The following RBFOX1 variants were observed in gnomAD, a reference collection of about 807,000 sequenced individuals.
The protein encoded by RBFOX1 is RNA binding protein fox-1 homolog 1.
RBFOX1 carries 8 observed loss-of-function variants against 57.7 expected under a neutral mutation model. The observed-to-expected ratio is 0.14, with a 90% confidence interval of 0.08 to 0.25. The LOEUF is 0.25. Ranked by LOEUF, RBFOX1 falls within the 10% of genes least tolerant of loss-of-function variation. RBFOX1 has a pLI of 1.00. For missense variants in RBFOX1, 611 were observed against 548.5 expected (o/e 1.11, Z -1.14); for synonymous variants, 326 against 222.4 (o/e 1.47, Z -4.15).
At chr16:7,267,450 C>G (rs896996019) in intron 4 of RBFOX1, among the ~76,000 whole-genome samples, 1 of 151,998 alleles carries the variant, frequency 6.6e-6, no homozygotes, top group African/African-American at 2.4e-5. Flanking sequence ...GCAAGAGAAT[C>G]ACTTGAACCT....
At chr16:7,522,800 G>T (rs2077795923) in intron 5 of RBFOX1, among the ~76,000 whole-genome samples, 1 of 152,182 alleles carries the variant, frequency 6.6e-6, no homozygotes, top group Non-Finnish European at 1.5e-5. Context: ...TTCAGAAATA[G>T]TAGGTAGTCT....
At chr16:6,438,068 G>C (rs73538153) in intron 2 of RBFOX1, among the ~76,000 whole-genome samples, 5,168 of 152,190 alleles carry the variant, frequency 0.034, 295 homozygotes, top group African/African-American at 0.12. Flanking sequence ...GGAATACCTG[G>C]GTTAAGAGAG....
At chr16:5,960,015 A>G (rs563452529) in intron 4 of RBFOX1, among the ~76,000 whole-genome samples, 1 of 152,256 alleles carries the variant, frequency 6.6e-6, no homozygotes, top group South Asian at 2.1e-4. Flanking sequence ...AGCCTTGCCA[A>G]CATGGTGAAA....
chr16:7,694,509 G>C (rs1277226200), intron 14 of RBFOX1, among the ~76,000 whole-genome samples: 1 of 152,188 alleles, frequency 6.6e-6, no homozygotes, highest in Non-Finnish European at 1.5e-5. Flanking sequence ...GTCTTACCTG[G>C]TGAGTTCAAG....
chr16:6,203,247 T>C (rs1362316), intron 1 of RBFOX1, among the ~76,000 whole-genome samples: 52 of 152,300 alleles, frequency 3.4e-4, no homozygotes, highest in South Asian at 1.0e-3. Context: ...GACACTTCTG[T>C]ACTTCCCCCT....
At chr16:7,452,574 G>C (rs111457719) in intron 4 of RBFOX1, among the ~76,000 whole-genome samples, 2,913 of 152,226 alleles carry the variant, frequency 0.019, 35 homozygotes, top group Middle Eastern at 0.041. Context: ...GGAAAGGTGT[G>C]GATTGATATC....
intron 4 of RBFOX1, among the ~76,000 whole-genome samples, chr16:7,057,868 C>T (rs1294723805): frequency 2.6e-5 from 4 of 151,982 alleles, no homozygotes; most frequent in Non-Finnish European, 5.9e-5. Flanking sequence ...ATTAGCCAGG[C>T]ATGGTGGCGG....
chr16:6,972,456 G>C (rs1390712179), intron 3 of RBFOX1, among the ~76,000 whole-genome samples: 1 of 152,086 alleles, frequency 6.6e-6, no homozygotes, highest in East Asian at 1.9e-4. Context: ...CCCTTATGTG[G>C]AATGGATACA....
chr16:7,703,708 G>C (rs909178909), intron 14 of RBFOX1, among the ~76,000 whole-genome samples: 4 of 152,122 alleles, frequency 2.6e-5, no homozygotes, highest in African/African-American at 4.8e-5. Context: ...AGTTGATAAA[G>C]CACTTTAACA....
At chr16:6,086,302 G>C (rs150657323) in intron 1 of RBFOX1, among the ~76,000 whole-genome samples, 1 of 152,058 alleles carries the variant, frequency 6.6e-6, no homozygotes, top group South Asian at 2.1e-4. Flanking sequence ...TGCTTTCCCC[G>C]ACTGTGTTAT....
chr16:5,377,364 G>C, intron 1 of RBFOX1, among the ~76,000 whole-genome samples: 1 of 151,450 alleles, frequency 6.6e-6, no homozygotes, highest in Middle Eastern at 3.4e-3. Context: ...ATGGGGTCAC[G>C]TAAGCAGAGA....
chr16:7,135,627 T>G (rs1441686782), intron 4 of RBFOX1, among the ~76,000 whole-genome samples: 1 of 152,274 alleles, frequency 6.6e-6, no homozygotes, highest in Non-Finnish European at 1.5e-5. Flanking sequence ...TTAATTTAAT[T>G]GCCGCTGTTC....
chr16:6,813,373 A>G (rs558021733), intron 3 of RBFOX1, among the ~76,000 whole-genome samples: 1 of 152,186 alleles, frequency 6.6e-6, no homozygotes, highest in African/African-American at 2.4e-5. Context: ...GCTTGTTGCA[A>G]TTCCCATCTT....
intron 3 of RBFOX1, among the ~76,000 whole-genome samples, chr16:5,672,189 A>G (rs2050031976): frequency 6.6e-6 from 1 of 152,196 alleles, no homozygotes; most frequent in South Asian, 2.1e-4. Context: ...TTCCATCCTC[A>G]GTACCCTAAT....
chr16:6,740,674 C>G (rs528920995), intron 3 of RBFOX1, among the ~76,000 whole-genome samples: 109 of 152,246 alleles, frequency 7.2e-4, no homozygotes, highest in Admixed American at 8.5e-4. Flanking sequence ...GTGCATCTAA[C>G]AGGACTTGTA....
intron 2 of RBFOX1, among the ~76,000 whole-genome samples, chr16:6,497,890 A>G (rs183508466): frequency 6.6e-6 from 1 of 152,204 alleles, no homozygotes; most frequent in East Asian, 1.9e-4. Context: ...GAAAGTGCCT[A>G]AAAGCATTCA....
chr16:6,352,122 G>A (rs1214156005), intron 2 of RBFOX1, among the ~76,000 whole-genome samples: 1 of 152,136 alleles, frequency 6.6e-6, no homozygotes, highest in African/African-American at 2.4e-5. Context: ...GGTTTCTCCA[G>A]TCACTTTATA....
chr16:7,625,484 C>A (rs2059945523), intron 10 of RBFOX1, among the ~76,000 whole-genome samples: 1 of 152,114 alleles, frequency 6.6e-6, no homozygotes, highest in Admixed American at 6.5e-5. Flanking sequence ...TATACAGAAA[C>A]TTCCTGCATG....
At chr16:7,447,126 G>C (rs865878943) in intron 4 of RBFOX1, among the ~76,000 whole-genome samples, 3 of 152,050 alleles carry the variant, frequency 2.0e-5, no homozygotes, top group Admixed American at 1.3e-4. Flanking sequence ...GGTAGGTCTG[G>C]GTTTTATGAG....
Sources: gnomAD v4.1 joint callset for allele counts (sites outside exome capture counted in the v4.1 genomes callset) on GRCh38, gnomAD v4.1.1 for gene constraint, MANE v1.5 for transcripts, NCBI Gene and HGNC (gene_info 2026-07-23, HGNC 2026-07-21) for gene names.